LIN28B: variants seen among roughly 807,000 people sequenced by gnomAD.
LIN28B encodes protein lin-28 homolog B.
A neutral mutation model predicts 21.9 loss-of-function variants in LIN28B; 5 were observed. The ratio of observed to expected loss-of-function variants is 0.23; its 90% CI spans 0.12 to 0.48. The LOEUF is 0.48. Among genes scored for constraint, LIN28B ranks in the 20% least tolerant of loss-of-function variants. The pLI, the probability that LIN28B is intolerant of heterozygous loss-of-function variation, is 0.98. For missense variants in LIN28B, 245 were observed against 310.5 expected, an observed-to-expected ratio of 0.79 and a Z score of 1.58; for synonymous variants, 109 against 111.3, an observed-to-expected ratio of 0.98 and a Z score of 0.13.
chr6:105,077,286 T>C (rs1772445918), intron 3 of LIN28B, among the ~76,000 whole-genome samples: 1 of 152,154 alleles, frequency 6.6e-6, no homozygotes, highest in Non-Finnish European at 1.5e-5. Flanking sequence ...TATGGAGTCA[T>C]AAATGTATTT....
chr6:105,058,615 T>G (rs1231212981), intron 3 of LIN28B, among the ~76,000 whole-genome samples: 2 of 152,226 alleles, frequency 1.3e-5, no homozygotes, highest in Non-Finnish European at 1.5e-5. Context: ...GACTTTTCAG[T>G]GCCATCAGCA....
intron 2 of LIN28B, among the ~76,000 whole-genome samples, chr6:104,991,977 C>T (rs1225225048): frequency 1.3e-5 from 2 of 149,198 alleles, no homozygotes; most frequent in African/African-American, 5.0e-5. Context: ...CCAGCTTTGG[C>T]TCGGCATCAG....
intron 2 of LIN28B, among the ~76,000 whole-genome samples, chr6:105,001,129 C>T (rs77220166): frequency 6.6e-6 from 1 of 152,188 alleles, no homozygotes; most frequent in African/African-American, 2.4e-5. Context: ...AGAAGATCTT[C>T]TAGGTTGATC....
At chr6:105,012,482 A>C (rs1770945243) in intron 2 of LIN28B, among the ~76,000 whole-genome samples, 1 of 151,868 alleles carries the variant, frequency 6.6e-6, no homozygotes, top group Non-Finnish European at 1.5e-5. Flanking sequence ...AAAAAAAAAC[A>C]AAAACAAACA....
intron 3 of LIN28B, among the ~76,000 whole-genome samples, chr6:105,060,771 T>C (rs140602206): frequency 2.4e-4 from 36 of 152,302 alleles, no homozygotes; most frequent in African/African-American, 8.7e-4. Context: ...ATGATAAATG[T>C]AGAACTTATT....
chr6:105,014,936 G>A (rs1289240498), intron 2 of LIN28B, among the ~76,000 whole-genome samples: 1 of 151,406 alleles, frequency 6.6e-6, no homozygotes, highest in Admixed American at 6.6e-5. Flanking sequence ...AGTATACTGT[G>A]TAATTACAAA....
chr6:105,024,193 C>T (rs866228531), intron 2 of LIN28B, among the ~76,000 whole-genome samples: 5 of 151,948 alleles, frequency 3.3e-5, no homozygotes, highest in Admixed American at 6.6e-5. Flanking sequence ...GGTTTTGCCA[C>T]GTTGGCCAGG....
rs190872172 is a variant in LIN28B at position 105,012,338 on chromosome 6, G to A, written c.199-13960G>A. ...ACGAAAATTAGCTGGGCATGGTGGCGGGTGCCTGTAATCCCAGCTACTCAG... is the reference window on the plus strand; with the variant it reads ...ACGAAAATTAGCTGGGCATGGTGGCAGGTGCCTGTAATCCCAGCTACTCAG... On this transcript the variant is annotated intron_variant, in intron 2 of 3. Transcript: ENST00000345080. Among the ~76,000 whole-genome samples, 109 of 149,968 alleles carry A rather than the reference G, an allele frequency of 7.3e-4. 1 individual carries two copies. Among genetic ancestry groups the A allele is most frequent in the African/African-American group, 2.4e-3 (96 of 40,828 alleles).
intron 2 of LIN28B, among the ~76,000 whole-genome samples, chr6:104,966,941 A>G (rs575943026): frequency 2.0e-5 from 3 of 151,608 alleles, no homozygotes; most frequent in Admixed American, 1.3e-4. Context: ...ATTTTTTATT[A>G]TATTTGTAGA....
intron 3 of LIN28B, among the ~76,000 whole-genome samples, chr6:105,060,238 G>A (rs1484856459): frequency 6.6e-6 from 1 of 151,598 alleles, no homozygotes; most frequent in African/African-American, 2.4e-5. Flanking sequence ...AGGTGAAGGT[G>A]ACTGATTTGC....
At chr6:104,959,060 TG>T (rs1769655939) in intron 2 of LIN28B, among the ~76,000 whole-genome samples, 1 of 152,198 alleles carries the variant, frequency 6.6e-6, no homozygotes, top group South Asian at 2.1e-4. Flanking sequence ...TTTTTAAAGA[TG>T]TTTTAATACC....
At chr6:105,064,356 G>A (rs56013897) in intron 3 of LIN28B, among the ~76,000 whole-genome samples, 71 of 152,280 alleles carry the variant, frequency 4.7e-4, no homozygotes, top group African/African-American at 1.7e-3. Context: ...TTTCCACAGT[G>A]GGGAAGGGAA....
chr6:104,995,171 A>C (rs1225665864), intron 2 of LIN28B, among the ~76,000 whole-genome samples: 2 of 152,214 alleles, frequency 1.3e-5, no homozygotes, highest in Non-Finnish European at 2.9e-5. Context: ...TTGAGGATGC[A>C]TTTAAGGAAG....
upstream of LIN28B, among the ~76,000 whole-genome samples, chr6:104,952,797 A>G (rs1039631615): frequency 1.3e-4 from 20 of 152,158 alleles, no homozygotes; most frequent in African/African-American, 4.8e-4. Context: ...ATTCTGGGGA[A>G]AGTGTGTTAA....
intron 2 of LIN28B, among the ~76,000 whole-genome samples, chr6:104,983,720 G>T (rs1204166205): frequency 6.6e-6 from 1 of 152,102 alleles, no homozygotes; most frequent in Non-Finnish European, 1.5e-5. Flanking sequence ...GGGATTACAG[G>T]CATGTACTAC....
At chr6:105,005,202 T>C (rs1258590713) in intron 2 of LIN28B, among the ~76,000 whole-genome samples, 6 of 152,180 alleles carry the variant, frequency 3.9e-5, no homozygotes, top group African/African-American at 1.4e-4. Context: ...TTCTGATTCT[T>C]ATTCCTTTTT....
intron 2 of LIN28B, among the ~76,000 whole-genome samples, chr6:104,978,223 G>A (rs533329273): frequency 2.3e-4 from 35 of 152,184 alleles, no homozygotes; most frequent in African/African-American, 7.9e-4. Flanking sequence ...ATAGTTTATC[G>A]CTAAGTCTAA....
At chr6:105,017,182 C>T (rs140398337) in intron 2 of LIN28B, among the ~76,000 whole-genome samples, 2 of 151,714 alleles carry the variant, frequency 1.3e-5, no homozygotes, top group African/African-American at 4.8e-5. Context: ...AAAGGAGTAC[C>T]TGTATTTGCT....
Position 104,958,294 on chromosome 6 carries a change from A to G in LIN28B, c.198+8A>G, listed in dbSNP as rs1413875929. 2.0e-6 allele frequency: 3 copies of G among 1,538,196 alleles called. No individual in the cohort carries two copies. Among genetic ancestry groups the G allele is most frequent in the South Asian group, 1.3e-5 (1 of 79,110 alleles). On this transcript the variant is annotated splice_region_variant and intron_variant, in intron 2 of 3. Transcript: ENST00000345080. ...GATGTATTTGTACACCAAGTAAGCC[A>G]AACTTTTTTGTCCCCCTCTTCATCT...
Sources: allele counts gnomAD v4.1 joint callset (sites outside exome capture counted in the v4.1 genomes callset), GRCh38; gene constraint gnomAD v4.1.1; transcripts MANE v1.5; gene names NCBI Gene and HGNC (gene_info 2026-07-23, HGNC 2026-07-21).